The following SEMA5B variants were observed in gnomAD, a reference collection of about 807,000 sequenced individuals.
The protein encoded by SEMA5B is semaphorin-5B.
A neutral mutation model predicts 135.0 loss-of-function variants in SEMA5B; 66 were observed. That is an observed-to-expected ratio of 0.49 (90% confidence interval 0.40 to 0.60). The LOEUF (loss-of-function observed/expected upper bound fraction) is 0.60. Among genes scored for constraint, SEMA5B ranks in the 20% least tolerant of loss-of-function variants. SEMA5B has a pLI of 0.00. For missense variants in SEMA5B, 1,501 were observed against 1,566.3 expected (o/e 0.96, Z 0.70); for synonymous variants, 690 against 639.5 (o/e 1.08, Z -1.19).
chr3:122,950,358 G>A (rs1178007492), intron 2 of SEMA5B, among the ~76,000 whole-genome samples: 2 of 152,140 alleles, frequency 1.3e-5, no homozygotes, highest in Non-Finnish European at 2.9e-5. Context: ...AATCCCTGTG[G>A]GGTGATCCTG....
At position 122,911,485 on chromosome 3, in the gene SEMA5B, T is replaced by C; in HGVS notation, c.3091+6A>G. 6.2e-7 allele frequency: 1 copy of C among 1,605,778 alleles called. No individual in the cohort carries two copies. The highest frequency in any genetic ancestry group is 8.5e-7 in the Non-Finnish European group (1 of 1,176,916). On this transcript the variant is annotated splice_donor_region_variant and intron_variant, in intron 21 of 22. Transcript: ENST00000357599. ...CGCAGCATGAGGTAGGTCCGGTTTC[T>C]TTTACCTGCACAGTCGGTGGCCTCC... is the stretch of plus-strand genomic sequence containing the variant.
At chr3:123,005,358 T>A (rs1001940521) in intron 1 of SEMA5B, among the ~76,000 whole-genome samples, 2 of 152,134 alleles carry the variant, frequency 1.3e-5, no homozygotes, top group African/African-American at 4.8e-5. Flanking sequence ...CTTCATTTGA[T>A]GCTTATTATT....
At chr3:122,974,072 T>C (rs1450068610) in intron 1 of SEMA5B, among the ~76,000 whole-genome samples, 1 of 152,148 alleles carries the variant, frequency 6.6e-6, no homozygotes, top group Non-Finnish European at 1.5e-5. Flanking sequence ...AATGGCTGGC[T>C]GAGGGGAGAG....
chr3:123,018,157 A>G (rs959547671), intron 1 of SEMA5B, among the ~76,000 whole-genome samples: 2 of 152,224 alleles, frequency 1.3e-5, no homozygotes, highest in African/African-American at 2.4e-5. Flanking sequence ...TTGGATGACC[A>G]TCTGTTCCCA....
chr3:122,911,878 G>T, intron 20 of SEMA5B, 42 bp downstream of exon 20: 1 of 1,555,360 alleles, frequency 6.4e-7, no homozygotes, highest in Non-Finnish European at 8.7e-7. Context: ...GGGAGTGCAG[G>T]CTGGGAAGGG....
chr3:122,989,327 C>T (rs568600956), intron 1 of SEMA5B, among the ~76,000 whole-genome samples: 1 of 152,300 alleles, frequency 6.6e-6, no homozygotes, highest in South Asian at 2.1e-4. Context: ...GGTCTGCTGC[C>T]TGATGTTGCC....
chr3:122,956,349 G>A (rs1396569010), intron 2 of SEMA5B, among the ~76,000 whole-genome samples: 2 of 152,214 alleles, frequency 1.3e-5, no homozygotes, highest in Non-Finnish European at 2.9e-5. Flanking sequence ...GCACGCCCAT[G>A]CACACGCCCC....
At position 122,913,485 on chromosome 3, in the gene SEMA5B, G is replaced by T. The variant is rs746795244; in HGVS notation, c.2280+49C>A. 3.8e-6 allele frequency: 6 copies of T among 1,575,822 alleles called. No homozygotes were observed. The South Asian group carries it at 5.7e-5, about 15-fold the overall frequency. On this transcript the variant is annotated intron_variant, in intron 16 of 22. Transcript: ENST00000357599. ...CGGCCTCCAGGCCCGCCCTCCCCTC[G>T]GCTCCAGTACCCTACACCGCGCCCC...
intron 21 of SEMA5B, 138 bp downstream of exon 21, chr3:122,911,353 T>C (rs1284337888): frequency 5.2e-6 from 8 of 1,545,296 alleles, no homozygotes; most frequent in South Asian, 1.2e-5. Flanking sequence ...CAGACCACCC[T>C]ACACACCATC....
At chr3:122,950,402 C>T (rs776871287) in intron 2 of SEMA5B, among the ~76,000 whole-genome samples, 8 of 152,010 alleles carry the variant, frequency 5.3e-5, no homozygotes, top group East Asian at 1.9e-4. Context: ...TGTATTTACC[C>T]GTTGACCTAG....
At chr3:122,951,942 G>T (rs892491433) in intron 2 of SEMA5B, among the ~76,000 whole-genome samples, 1 of 152,200 alleles carries the variant, frequency 6.6e-6, no homozygotes, top group African/African-American at 2.4e-5. Flanking sequence ...TGTGTGAAAT[G>T]GAATAATACC....
chr3:122,910,875 G>T lies in SEMA5B; in HGVS notation c.3262C>A (p.Pro1088Thr). 6.2e-7 allele frequency: 1 copy of T among 1,613,204 alleles called. No individual in the cohort carries two copies. The highest frequency in any genetic ancestry group is 8.5e-7 in the Non-Finnish European group (1 of 1,179,918). The change falls in exon 22 of 23, where the codon CCG becomes ACG. Residue 1088 changes from proline (P) to threonine (T), a missense_variant. By Grantham distance (38) the Pro-to-Thr change is conservative. Transcript: ENST00000357599. ...NHLHYKGGGT[P>T]KNEKYTPMEF... Reference sequence around the variant, plus strand: ...ATGGGTGTGTACTTTTCATTCTTCGGGGTGCCTCCGCCCTTGTAGTGCAAA... The same window carrying T: ...ATGGGTGTGTACTTTTCATTCTTCGTGGTGCCTCCGCCCTTGTAGTGCAAA...
At chr3:123,003,796 T>A (rs547284327) in intron 1 of SEMA5B, among the ~76,000 whole-genome samples, 9 of 152,100 alleles carry the variant, frequency 5.9e-5, no homozygotes, top group Non-Finnish European at 1.2e-4. Flanking sequence ...ATTGCGCCAC[T>A]GCACTCCAGC....
At chr3:122,921,416 C>T (rs1441961104) in intron 12 of SEMA5B, among the ~76,000 whole-genome samples, 2 of 152,186 alleles carry the variant, frequency 1.3e-5, no homozygotes, top group African/African-American at 4.8e-5. Context: ...CGTGGCGCCT[C>T]ACCTCTGCCC....
In SEMA5B at chr3:122,915,813, G is replaced by A. The variant is rs1446838325; in HGVS notation, c.1766C>T (p.Ser589Phe). 1 of 1,614,090 alleles carries A rather than the reference G, an allele frequency of 6.2e-7. No individual in the cohort carries two copies. Among genetic ancestry groups the A allele is most frequent in the Non-Finnish European group, 8.5e-7 (1 of 1,180,018 alleles). ...GTTCTGGGTCCAGAGGCTCATGTTG[G>A]AGCTGTCCTCGAGTGTGCTGCAACG... ...QQRCSTLEDS[S>F]NMSLWTQNIT... Residue 589 changes from serine to phenylalanine, a missense_variant, in exon 13 of 23, where the codon TCC becomes TTC. Physicochemically the swap from Ser to Phe is radical, Grantham distance 155 (BLOSUM62 -2). Transcript: ENST00000357599.
chr3:122,930,020 G>C (rs1389918858), intron 5 of SEMA5B, among the ~76,000 whole-genome samples: 1 of 152,180 alleles, frequency 6.6e-6, no homozygotes, highest in Non-Finnish European at 1.5e-5. Flanking sequence ...AACATGAACT[G>C]CCTATCTGTC....
At chr3:122,929,143 G>A (rs1938815841) in intron 5 of SEMA5B, 85 bp from the exon 6 acceptor site, 10 of 1,326,918 alleles carry the variant, frequency 7.5e-6, no homozygotes, top group Admixed American at 1.8e-5. Flanking sequence ...AGCAGCCAGT[G>A]TCGGGAGTGG....
chr3:122,911,807 T>C, intron 20 of SEMA5B, 113 bp downstream of exon 20: 1 of 1,311,760 alleles, frequency 7.6e-7, no homozygotes, highest in Non-Finnish European at 1.0e-6. Context: ...CCCACTTCCA[T>C]GTTTCATCCT....
chr3:122,911,653 G>T, intron 20 of SEMA5B, 118 bp from the exon 21 acceptor site: 1 of 1,091,156 alleles, frequency 9.2e-7, no homozygotes. Flanking sequence ...GGACTAGGTA[G>T]GCGTGGGGGC....
Sources: gnomAD v4.1 joint callset for allele counts (sites outside exome capture counted in the v4.1 genomes callset) on GRCh38, gnomAD v4.1.1 for gene constraint, MANE v1.5 for transcripts, NCBI Gene and HGNC (gene_info 2026-07-23, HGNC 2026-07-21) for gene names.